Variants in CNOT4 observed in about 807,000 individuals in gnomAD.
CNOT4 encodes the protein CCR4-NOT transcription complex subunit 4.
In CNOT4, 8 loss-of-function variants were observed where a neutral mutation model predicts 73.8. The ratio of observed to expected loss-of-function variants is 0.11; its 90% CI spans 0.06 to 0.20. The LOEUF (loss-of-function observed/expected upper bound fraction) is 0.20, where lower values mean the gene tolerates loss of function less well. Among genes scored for constraint, CNOT4 ranks in the 10% least tolerant of loss-of-function variants. The probability of loss-of-function intolerance (pLI) is 1.00; values close to 1 mark genes in which losing one functional copy is unlikely to be tolerated. For missense variants in CNOT4, 564 were observed against 883.4 expected (o/e 0.64, Z 4.58); for synonymous variants, 293 against 321.1 (o/e 0.91, Z 0.94).
intron 1 of CNOT4, among the ~76,000 whole-genome samples, chr7:135,453,042 A>C (rs1342743842): frequency 6.6e-6 from 1 of 152,230 alleles, no homozygotes; most frequent in African/African-American, 2.4e-5. Context: ...AGTATCTGAT[A>C]GGGTATAACA....
intron 1 of CNOT4, among the ~76,000 whole-genome samples, chr7:135,484,355 G>GA (rs1226883472): frequency 3.3e-5 from 5 of 151,846 alleles, no homozygotes; most frequent in Non-Finnish European, 5.9e-5. Flanking sequence ...TAGAACAGAA[G>GA]AAAAAATCTG....
intron 1 of CNOT4, among the ~76,000 whole-genome samples, chr7:135,493,117 G>A (rs1405765215): frequency 6.6e-6 from 1 of 152,192 alleles, no homozygotes; most frequent in Non-Finnish European, 1.5e-5. Flanking sequence ...GTTCCAGTCA[G>A]TGGAACCAGG....
chr7:135,412,381 G>A (rs1797633934), intron 6 of CNOT4, among the ~76,000 whole-genome samples: 1 of 151,818 alleles, frequency 6.6e-6, no homozygotes, highest in African/African-American at 2.4e-5. Context: ...TAGGAAATAT[G>A]AATAAAGTAT....
At chr7:135,491,320 G>A (rs1297923765) in intron 1 of CNOT4, among the ~76,000 whole-genome samples, 2 of 152,204 alleles carry the variant, frequency 1.3e-5, no homozygotes, top group African/African-American at 2.4e-5. Flanking sequence ...AGATAACCAA[G>A]GAGTGAGCCT....
chr7:135,486,679 C>G (rs1189346848), intron 1 of CNOT4, among the ~76,000 whole-genome samples: 1 of 152,212 alleles, frequency 6.6e-6, no homozygotes, highest in African/African-American at 2.4e-5. Context: ...AATAGCTAAA[C>G]TGTGGTATAC....
At chr7:135,473,855 G>C (rs928630046) in intron 1 of CNOT4, among the ~76,000 whole-genome samples, 1 of 152,162 alleles carries the variant, frequency 6.6e-6, no homozygotes, top group East Asian at 1.9e-4. Context: ...AAGGACATAA[G>C]ACAAAGGAAC....
chr7:135,425,673 AT>A lies in CNOT4; in HGVS notation c.175-3321del, dbSNP rs1476571063. On this transcript the variant is annotated intron_variant, in intron 2 of 11. Transcript: ENST00000541284. ...TTATTCCAGTACCTTAAAAGAAGTT[AT>A]AAATACTAGTTGTTTAATCTTAACA... 8.5e-5 allele frequency among the ~76,000 whole-genome samples: 13 copies of A among 152,336 alleles called. No individual in the cohort carries two copies. The East Asian group carries it at 2.5e-3, about 29-fold the overall frequency.
intron 10 of CNOT4, among the ~76,000 whole-genome samples, chr7:135,385,225 T>C (rs1796061696): frequency 6.6e-6 from 1 of 152,226 alleles, no homozygotes; most frequent in Admixed American, 6.5e-5. Context: ...CACATTCACA[T>C]CAAGACTAAA....
Position 135,410,542 on chromosome 7 carries a change from T to C in CNOT4, c.794A>G (p.Lys265Arg). The change falls in exon 7 of 12, where the codon AAA becomes AGA. Residue 265 changes from lysine to arginine, a missense_variant. Physicochemically the swap from Lys to Arg is conservative, Grantham distance 26. Around this residue, in one of 10 missense-constraint regions of CNOT4, gnomAD observed 135 missense variants for 154.0 expected, o/e 0.88. Coordinates refer to ENST00000541284, the MANE Select transcript of CNOT4 (RefSeq NM_001190850.2). ...STGSVDKNKN[K>R]VTPLQRYDTP... ...ATCGTACCTCTGCAGTGGTGTCACTTTGTTCTTATTTTTATCAACTGAACC... is the reference window on the plus strand; with the variant it reads ...ATCGTACCTCTGCAGTGGTGTCACTCTGTTCTTATTTTTATCAACTGAACC... The C allele has an allele frequency of 1.3e-6, 2 of 1,556,342 alleles. No homozygotes were observed. The highest frequency in any genetic ancestry group is 1.4e-5 in the African/African-American group (1 of 72,092).
intron 3 of CNOT4, among the ~76,000 whole-genome samples, chr7:135,416,132 T>C (rs1797860735): frequency 6.6e-6 from 1 of 152,188 alleles, no homozygotes; most frequent in Non-Finnish European, 1.5e-5. Context: ...GTTCCTACAA[T>C]CTCTCCAAAT....
chr7:135,457,505 A>G (rs868468177), intron 1 of CNOT4, among the ~76,000 whole-genome samples: 12 of 152,158 alleles, frequency 7.9e-5, no homozygotes, highest in South Asian at 6.2e-4. Context: ...ACAACTAACT[A>G]TCATTATTAC....
chr7:135,393,822 T>A, intron 10 of CNOT4, 96 bp downstream of exon 10: 1 of 790,412 alleles, frequency 1.3e-6, no homozygotes, highest in Admixed American at 2.3e-5. Context: ...TTCCAAGATA[T>A]TAGTACTCTG....
intron 1 of CNOT4, among the ~76,000 whole-genome samples, chr7:135,444,085 G>A (rs553169071): frequency 6.6e-6 from 1 of 152,072 alleles, no homozygotes; most frequent in Non-Finnish European, 1.5e-5. Context: ...GCTGCAGTGA[G>A]CCGTGATGTG....
chr7:135,466,011 T>C (rs1180887014), intron 1 of CNOT4, among the ~76,000 whole-genome samples: 9 of 151,858 alleles, frequency 5.9e-5, no homozygotes, highest in Admixed American at 5.9e-4. Flanking sequence ...ACTGTACCAC[T>C]GCACTCCAGC....
chr7:135,392,691 C>T (rs914889463), intron 10 of CNOT4, among the ~76,000 whole-genome samples: 1 of 152,160 alleles, frequency 6.6e-6, no homozygotes, highest in Admixed American at 6.5e-5. Flanking sequence ...CAAATAACTA[C>T]ATTACGTGCT....
chr7:135,492,233 T>C (rs868177443), intron 1 of CNOT4, among the ~76,000 whole-genome samples: 4 of 152,128 alleles, frequency 2.6e-5, no homozygotes, highest in East Asian at 1.9e-4. Flanking sequence ...GCAAGAAACC[T>C]GAGGTTTCTT....
chr7:135,420,792 G>A (rs895820527), intron 3 of CNOT4, among the ~76,000 whole-genome samples: 1 of 151,842 alleles, frequency 6.6e-6, no homozygotes. Flanking sequence ...AACGATCAAA[G>A]GTGAGGCAGG....
chr7:135,449,190 T>C (rs1465675196), intron 1 of CNOT4, among the ~76,000 whole-genome samples: 2 of 152,020 alleles, frequency 1.3e-5, no homozygotes, highest in Non-Finnish European at 2.9e-5. Flanking sequence ...GGGATGCACA[T>C]AAAGGTGATA....
chr7:135,451,052 C>T (rs1359278503), intron 1 of CNOT4, among the ~76,000 whole-genome samples: 1 of 152,192 alleles, frequency 6.6e-6, no homozygotes, highest in Non-Finnish European at 1.5e-5. Context: ...CTATGATCTA[C>T]TAACCCCACC....
Sources: allele counts gnomAD v4.1 joint callset (sites outside exome capture counted in the v4.1 genomes callset), GRCh38; gene constraint gnomAD v4.1.1; regional missense constraint gnomAD v4.1.1; transcripts MANE v1.5; gene names NCBI Gene and HGNC (gene_info 2026-07-23, HGNC 2026-07-21).